BCL7A: variants seen among roughly 807,000 people sequenced by gnomAD.
The protein encoded by BCL7A is BAF chromatin remodeling complex subunit BCL7A, also known as B-cell CLL/lymphoma 7 protein family member A.
BCL7A carries 11 observed loss-of-function variants against 28.4 expected under a neutral mutation model. That is an observed-to-expected ratio of 0.39 (90% CI 0.24 to 0.64). The LOEUF (loss-of-function observed/expected upper bound fraction) is 0.64, where lower values mean the gene tolerates loss of function less well. Ranked by LOEUF, BCL7A falls within the 30% of genes least tolerant of loss-of-function variation. The pLI, the probability that BCL7A is intolerant of heterozygous loss-of-function variation, is 0.50. For missense variants in BCL7A, 222 were observed against 274.8 expected (o/e 0.81, Z 1.36); for synonymous variants, 123 against 103.3 (o/e 1.19, Z -1.15).
chr12:122,054,664 T>C (rs1452612649), intron 4 of BCL7A, 141 bp from the exon 5 acceptor site: 4 of 825,424 alleles, frequency 4.8e-6, no homozygotes, highest in Non-Finnish European at 7.7e-6. Context: ...TCCCCAGCCC[T>C]CCAGCCCCCC....
chr12:122,032,323 C>T (rs566560125), intron 2 of BCL7A, among the ~76,000 whole-genome samples: 5 of 152,320 alleles, frequency 3.3e-5, no homozygotes, highest in Admixed American at 6.5e-5. Flanking sequence ...GGTCTCTCTC[C>T]GCATCTCCCA....
intron 1 of BCL7A, among the ~76,000 whole-genome samples, chr12:122,027,854 A>T (rs936961116): frequency 1.3e-5 from 2 of 152,064 alleles, no homozygotes; most frequent in Non-Finnish European, 2.9e-5. Context: ...TAAAAAAAAT[A>T]AAAAAATAAG....
chr12:122,034,165 T>A (rs1883798266), intron 2 of BCL7A, among the ~76,000 whole-genome samples: 1 of 127,394 alleles, frequency 7.8e-6, no homozygotes, highest in Admixed American at 8.4e-5. Flanking sequence ...CCACTGGTGG[T>A]GAGGCTCACG....
chr12:122,051,446 C>T (rs1487990186), intron 4 of BCL7A, among the ~76,000 whole-genome samples: 1 of 152,238 alleles, frequency 6.6e-6, no homozygotes, highest in East Asian at 1.9e-4. Context: ...TGTCCAAGCT[C>T]CCTGGACTAA....
chr12:122,031,804 G>A (rs534040451), intron 2 of BCL7A, among the ~76,000 whole-genome samples: 3 of 152,282 alleles, frequency 2.0e-5, no homozygotes, highest in South Asian at 2.1e-4. Context: ...AATGCGAGGC[G>A]CTGTCCTGTG....
chr12:122,052,928 G>A (rs1381752084), intron 4 of BCL7A, among the ~76,000 whole-genome samples: 4 of 144,712 alleles, frequency 2.8e-5, no homozygotes, highest in Non-Finnish European at 6.0e-5. Flanking sequence ...GACCTCAGCC[G>A]ATCCACCCAC....
In BCL7A at chr12:122,060,255, G is replaced by T; in HGVS notation, c.*1092G>T. ...CAGGATCGCAGTGGTCAGAATCCACGTGCTTTCCTATTCTCAGGCTGTTCT... is the reference window on the plus strand; with the variant it reads ...CAGGATCGCAGTGGTCAGAATCCACTTGCTTTCCTATTCTCAGGCTGTTCT... On this transcript the variant is annotated 3_prime_UTR_variant, in exon 6 of 6. Coordinates refer to ENST00000261822, the MANE Select transcript of BCL7A (RefSeq NM_001024808.3). 4.3e-6 allele frequency: 1 copy of T among 233,014 alleles called. No individual in the cohort carries two copies. Among genetic ancestry groups the T allele is most frequent in the Non-Finnish European group, 8.5e-6 (1 of 117,636 alleles). The allele number at this position is 233,014 out of a possible 1,614,324, so 14.4% of individuals were successfully genotyped here. A position where few individuals can be genotyped will look rare whatever the true frequency, so the allele number is the denominator to read the frequency against.
intron 1 of BCL7A, among the ~76,000 whole-genome samples, chr12:122,022,926 T>A (rs1883503385): frequency 6.6e-6 from 1 of 152,182 alleles, no homozygotes; most frequent in African/African-American, 2.4e-5. Context: ...GGCCAGCCGA[T>A]GTTTTTGGCC....
chr12:122,047,395 G>C (rs1884098948), intron 4 of BCL7A, among the ~76,000 whole-genome samples: 1 of 151,852 alleles, frequency 6.6e-6, no homozygotes, highest in South Asian at 2.1e-4. Context: ...ATGGTATTGG[G>C]CGCCTGTAGT....
intron 4 of BCL7A, among the ~76,000 whole-genome samples, chr12:122,046,184 G>A (rs1199484370): frequency 6.6e-6 from 1 of 152,018 alleles, no homozygotes; most frequent in Non-Finnish European, 1.5e-5. Context: ...GGTGAGGGGA[G>A]AGCCTGTGTT....
At chr12:122,051,481 T>C (rs1258527888) in intron 4 of BCL7A, among the ~76,000 whole-genome samples, 1 of 152,178 alleles carries the variant, frequency 6.6e-6, no homozygotes, top group African/African-American at 2.4e-5. Flanking sequence ...AAAATAATTT[T>C]CCCTGGGTGA....
chr12:122,032,679 C>G (rs1017486155), intron 2 of BCL7A, among the ~76,000 whole-genome samples: 1 of 152,170 alleles, frequency 6.6e-6, no homozygotes, highest in South Asian at 2.1e-4. Flanking sequence ...GGCCTTAGTT[C>G]CCTCTTTTGT....
intron 4 of BCL7A, among the ~76,000 whole-genome samples, chr12:122,045,856 A>T (rs1884065348): frequency 1.3e-5 from 2 of 151,910 alleles, no homozygotes; most frequent in Non-Finnish European, 2.9e-5. Flanking sequence ...TGGGAGGCTG[A>T]GGCAGGAGGA....
rs1351488209 is a variant in BCL7A at position 122,060,029 on chromosome 12, G to A, written c.*866G>A. 1 of 233,378 alleles carries A rather than the reference G, an allele frequency of 4.3e-6. No homozygotes were observed. Among genetic ancestry groups the A allele is most frequent in the Non-Finnish European group, 8.5e-6 (1 of 117,992 alleles). The allele number at this position is 233,378 out of a possible 1,614,324, so 14.5% of individuals were successfully genotyped here. On this transcript the variant is annotated 3_prime_UTR_variant, in exon 6 of 6. Coordinates refer to ENST00000261822, the MANE Select transcript of BCL7A (RefSeq NM_001024808.3). ...CCACCCCCATCACTGCTTTCTCCCA[G>A]ACCTCCGAATACGAAATGGCTTCTC...
chr12:122,036,606 C>G (rs1477391748), intron 3 of BCL7A, among the ~76,000 whole-genome samples: 1 of 151,974 alleles, frequency 6.6e-6, no homozygotes, highest in Admixed American at 6.6e-5. Context: ...CCACCCAGGT[C>G]AAAACACAGA....
At position 122,026,156 on chromosome 12, in the gene BCL7A, A is replaced by G. The variant is rs1472871011; in HGVS notation, c.92+3973A>G. On this transcript the variant is annotated intron_variant, in intron 1 of 5. Coordinates refer to ENST00000261822, the MANE Select transcript of BCL7A (RefSeq NM_001024808.3). ...GTGGCAGGCGCCTATAGTCCCACCT[A>G]CTTGGGAGGATGAGGCAGGAGAATG... Among the ~76,000 whole-genome samples the G allele has an allele frequency of 2.6e-5, 4 of 151,152 alleles. No homozygotes were observed. The East Asian group carries it at 5.8e-4, about 22-fold the overall frequency.
Position 122,021,946 on chromosome 12 carries a change from GT to G in BCL7A, c.-145del. The G allele has an allele frequency of 5.1e-6, 3 of 588,532 alleles. No individual in the cohort carries two copies. The highest frequency in any genetic ancestry group is 9.1e-6 in the Non-Finnish European group (3 of 330,772). 36.5% of individuals were successfully genotyped at this position (588,532 alleles called of 1,614,324 possible). ...TGTGTGTGTATGTGTGTGTGTGTGTGTGTGTGTGTGTGAGTGTGTGCGTGTG... is the reference window on the plus strand; with the variant it reads ...TGTGTGTGTATGTGTGTGTGTGTGTGGTGTGTGTGTGAGTGTGTGCGTGTG... On this transcript the variant is annotated 5_prime_UTR_variant, in exon 1 of 6. An upstream open reading frame in the 5' UTR loses its in-frame stop. Transcript: ENST00000261822.
chr12:122,057,177 G>A (rs541858984), intron 5 of BCL7A, among the ~76,000 whole-genome samples: 4 of 152,316 alleles, frequency 2.6e-5, no homozygotes, highest in African/African-American at 7.2e-5. Context: ...GCTGTGAGCC[G>A]GACATGAAGG....
Position 122,059,037 on chromosome 12 carries a change from C to G in BCL7A, c.562-55C>G. 1 of 1,491,532 alleles carries G rather than the reference C, an allele frequency of 6.7e-7. No homozygotes were observed. Among genetic ancestry groups the G allele is most frequent in the Non-Finnish European group, 9.4e-7 (1 of 1,069,098 alleles). 92.4% of individuals were successfully genotyped at this position (1,491,532 alleles called of 1,614,324 possible). A position where few individuals can be genotyped will look rare whatever the true frequency, so the allele number is the denominator to read the frequency against. Reference sequence around the variant, plus strand: ...GCTGACCTTCGGCCTCACGCCTGGCCTAACTTGCTCTCCTGGCCCATTAAC... The same window carrying G: ...GCTGACCTTCGGCCTCACGCCTGGCGTAACTTGCTCTCCTGGCCCATTAAC... On this transcript the variant is annotated intron_variant, in intron 5 of 5. Transcript: ENST00000261822. This position sits in a 1 kb window ranked among gnomAD's most constrained non-coding sequence, Gnocchi z 4.0.
Sources: allele counts gnomAD v4.1 joint callset (sites outside exome capture counted in the v4.1 genomes callset), GRCh38; gene constraint gnomAD v4.1.1; non-coding constraint Gnocchi (gnomAD v3.1); transcripts MANE v1.5; gene names NCBI Gene and HGNC (gene_info 2026-07-23, HGNC 2026-07-21).